RTN1: variants seen among roughly 807,000 people sequenced by gnomAD.
RTN1 encodes the protein reticulon 1, also known as reticulon-1.
RTN1 carries 25 observed loss-of-function variants against 65.5 expected under a neutral mutation model. The observed-to-expected ratio is 0.38, with a 90% CI of 0.28 to 0.53. RTN1 has a LOEUF of 0.53. Among genes scored for constraint, RTN1 ranks in the 20% least tolerant of loss-of-function variants. The pLI is 0.79. For missense variants in RTN1, 983 were observed against 1,025.4 expected (o/e 0.96, Z 0.57); for synonymous variants, 471 against 447.6 (o/e 1.05, Z -0.66).
At chr14:59,718,246 G>A (rs769641916) in intron 3 of RTN1, among the ~76,000 whole-genome samples, 2 of 152,182 alleles carry the variant, frequency 1.3e-5, no homozygotes, top group Non-Finnish European at 2.9e-5. Flanking sequence ...GAATCTCTGA[G>A]TAAATCACCA....
intron 1 of RTN1, among the ~76,000 whole-genome samples, chr14:59,854,339 C>T: frequency 6.6e-6 from 1 of 151,966 alleles, no homozygotes; most frequent in East Asian, 1.9e-4. Flanking sequence ...TTTTACTGCA[C>T]AGATCATAAA....
chr14:59,857,288 A>C (rs1233467183), intron 1 of RTN1, among the ~76,000 whole-genome samples: 1 of 152,120 alleles, frequency 6.6e-6, no homozygotes, highest in African/African-American at 2.4e-5. Context: ...CTTCTCTTCT[A>C]ATTTTCTAAA....
chr14:59,748,218 T>G (rs954799017), intron 1 of RTN1, among the ~76,000 whole-genome samples: 8 of 151,498 alleles, frequency 5.3e-5, no homozygotes, highest in Non-Finnish European at 1.2e-4. Context: ...AGGTTTTTTT[T>G]TTTTTTTTTT....
At chr14:59,642,820 G>C (rs1484397196) in intron 3 of RTN1, among the ~76,000 whole-genome samples, 1 of 151,880 alleles carries the variant, frequency 6.6e-6, no homozygotes. Context: ...CTTGATTGTT[G>C]GTCTCATGTT....
At chr14:59,662,631 C>G (rs2140208258) in intron 3 of RTN1, among the ~76,000 whole-genome samples, 1 of 152,178 alleles carries the variant, frequency 6.6e-6, no homozygotes, top group East Asian at 1.9e-4. Flanking sequence ...AATAGACAAA[C>G]AGAGAACCAA....
chr14:59,679,855 T>C (rs1883708718), intron 3 of RTN1, among the ~76,000 whole-genome samples: 1 of 152,194 alleles, frequency 6.6e-6, no homozygotes, highest in African/African-American at 2.4e-5. Context: ...ATTTGAACCT[T>C]GCAAATTGTT....
intron 1 of RTN1, among the ~76,000 whole-genome samples, chr14:59,757,108 T>C (rs1234647095): frequency 6.6e-6 from 1 of 152,170 alleles, no homozygotes; most frequent in Admixed American, 6.6e-5. Context: ...CATGCTGCTG[T>C]GGTCTGAATG....
At chr14:59,644,953 C>T (rs542281457) in intron 3 of RTN1, among the ~76,000 whole-genome samples, 1 of 152,366 alleles carries the variant, frequency 6.6e-6, no homozygotes, top group South Asian at 2.1e-4. Flanking sequence ...GAATGGAGCT[C>T]CCAGGGGGAG....
intron 4 of RTN1, chr14:59,606,126 A>ATATATATATATATC (rs66961672): frequency 2.2e-3 from 277 of 124,130 alleles, no homozygotes; most frequent in Non-Finnish European, 3.2e-3. Flanking sequence ...ATATATATAT[A>ATATATATATATATC]TCATACCAGC....
At chr14:59,626,998 G>A (rs1229866903) in intron 3 of RTN1, among the ~76,000 whole-genome samples, 1 of 152,158 alleles carries the variant, frequency 6.6e-6, no homozygotes, top group Non-Finnish European at 1.5e-5. Flanking sequence ...CTCTAACTTA[G>A]TGTTAGTAAG....
chr14:59,681,811 C>T (rs1883750870), intron 3 of RTN1, among the ~76,000 whole-genome samples: 1 of 152,170 alleles, frequency 6.6e-6, no homozygotes. Flanking sequence ...ATCCCAGATT[C>T]CTGTTTCTGT....
chr14:59,615,039 C>T (rs1203731212), intron 3 of RTN1, among the ~76,000 whole-genome samples: 1 of 152,148 alleles, frequency 6.6e-6, no homozygotes, highest in African/African-American at 2.4e-5. Context: ...AAAAGAGTAA[C>T]AGAACAAAAC....
At chr14:59,669,048 G>A (rs530921525) in intron 3 of RTN1, among the ~76,000 whole-genome samples, 3 of 152,192 alleles carry the variant, frequency 2.0e-5, no homozygotes, top group South Asian at 2.1e-4. Flanking sequence ...ACAGTGTGGC[G>A]ATTCCTCAAG....
rs1881997450 is a variant in RTN1 at position 59,612,923 on chromosome 14, C to T, written c.1766-5431G>A. Among the ~76,000 whole-genome samples the T allele has an allele frequency of 3.3e-5, 5 of 152,338 alleles. No homozygotes were observed. The South Asian group carries it at 1.0e-3, about 32-fold the overall frequency. On this transcript the variant is annotated intron_variant, in intron 3 of 8. Transcript: ENST00000267484. ...TGCTTAATGCTGTATAGCTCAGTAGCTACGGCTTTATCTTTTGACAGTGGT... is the reference window on the plus strand; with the variant it reads ...TGCTTAATGCTGTATAGCTCAGTAGTTACGGCTTTATCTTTTGACAGTGGT...
intron 3 of RTN1, among the ~76,000 whole-genome samples, chr14:59,643,741 G>A (rs922813082): frequency 8.5e-5 from 13 of 152,102 alleles, no homozygotes; most frequent in African/African-American, 3.1e-4. Flanking sequence ...AGTCAGAAAA[G>A]TTACTAAAAA....
chr14:59,716,447 G>A (rs1277772692), intron 3 of RTN1, among the ~76,000 whole-genome samples: 1 of 152,128 alleles, frequency 6.6e-6, no homozygotes, highest in Non-Finnish European at 1.5e-5. Context: ...GAGGCCAAAT[G>A]GTCTAGCCTT....
intron 3 of RTN1, among the ~76,000 whole-genome samples, chr14:59,724,482 C>G (rs1184167106): frequency 1.3e-5 from 2 of 152,208 alleles, no homozygotes; most frequent in African/African-American, 4.8e-5. Flanking sequence ...TGGACAAGAG[C>G]AGGAAACCAC....
At position 59,867,355 on chromosome 14, in the gene RTN1, G is replaced by A. The variant is rs963722901; in HGVS notation, c.241+3035C>T. Among the ~76,000 whole-genome samples the A allele has an allele frequency of 3.1e-4, 47 of 152,180 alleles. 1 individual carries two copies. The highest frequency in any genetic ancestry group is 6.2e-4 in the Non-Finnish European group (42 of 68,024). On this transcript the variant is annotated intron_variant, in intron 1 of 8. Coordinates refer to ENST00000267484, the MANE Select transcript of RTN1 (RefSeq NM_021136.3). ...CTTTTATGATTAACAACGCTAACAT[G>A]TCGTAGCCTACCTACGGTGTATTAA...
At chr14:59,856,800 G>A (rs951971172) in intron 1 of RTN1, among the ~76,000 whole-genome samples, 5 of 152,158 alleles carry the variant, frequency 3.3e-5, no homozygotes, top group African/African-American at 4.8e-5. Context: ...GGCATCTGAC[G>A]CTACTGACCA....
Sources: gnomAD v4.1 joint callset for allele counts (sites outside exome capture counted in the v4.1 genomes callset) on GRCh38, gnomAD v4.1.1 for gene constraint, MANE v1.5 for transcripts, NCBI Gene and HGNC (gene_info 2026-07-23, HGNC 2026-07-21) for gene names.